Variants in URI1 observed in about 807,000 individuals in gnomAD.
URI1 encodes unconventional prefoldin RPB5 interactor 1.
A neutral mutation model predicts 60.2 loss-of-function variants in URI1; 39 were observed. That is an observed-to-expected ratio of 0.65 (90% confidence interval 0.50 to 0.85). The LOEUF is 0.85. Among genes scored for constraint, URI1 ranks in the 40% least tolerant of loss-of-function variants. The probability of loss-of-function intolerance (pLI) is 0.00; values close to 1 mark genes in which losing one functional copy is unlikely to be tolerated. For missense variants in URI1, 691 were observed against 665.9 expected, an observed-to-expected ratio of 1.04 and a Z score of -0.42; for synonymous variants, 251 against 236.8, an observed-to-expected ratio of 1.06 and a Z score of -0.55.
At chr19:30,004,477 C>T (rs1232131276) in intron 4 of URI1, 1 of 152,034 alleles carries the variant, frequency 6.6e-6, no homozygotes, top group Non-Finnish European at 1.5e-5. Context: ...TACTTTTCTC[C>T]TCCATCCTCT....
At chr19:29,983,265 G>C (rs1188297607) in intron 2 of URI1, 1 of 152,180 alleles carries the variant, frequency 6.6e-6, no homozygotes. Flanking sequence ...TGATAGAGGA[G>C]ATCTGGCTTC....
chr19:30,005,477 A>C (rs747226027), intron 5 of URI1, 25 bp downstream of exon 5: 2 of 1,541,086 alleles, frequency 1.3e-6, no homozygotes, highest in Admixed American at 4.2e-5. Context: ...TTAGTCTTCT[A>C]TATTTTTAGA....
chr19:29,997,757 A>G (rs1482652924), intron 4 of URI1, among the ~76,000 whole-genome samples: 1 of 151,730 alleles, frequency 6.6e-6, no homozygotes, highest in Non-Finnish European at 1.5e-5. Context: ...TGTTGGTCTC[A>G]GGGTATTTTC....
At chr19:29,946,474 T>G (rs931599699) in intron 1 of URI1, among the ~76,000 whole-genome samples, 1 of 152,184 alleles carries the variant, frequency 6.6e-6, no homozygotes, top group Non-Finnish European at 1.5e-5. Flanking sequence ...CCAGTATCGT[T>G]TTTATAGGCT....
rs1256816514 is a variant in URI1 at position 30,014,941 on chromosome 19, C to T, written c.1480C>T (p.Pro494Ser). The T allele has an allele frequency of 2.5e-6, 4 of 1,613,518 alleles. No individual in the cohort carries two copies. Among genetic ancestry groups the T allele is most frequent in the Admixed American group, 3.3e-5 (2 of 59,988 alleles). Residue 494 changes from proline (P) to serine (S), a missense_variant, in exon 11 of 11, where the codon CCC becomes TCC. By Grantham distance (74) the Pro-to-Ser change is moderately conservative. Coordinates refer to ENST00000392271, the MANE Select transcript of URI1 (RefSeq NM_003796.3). Reference sequence around the variant, plus strand: ...ATTTGTATCACCTTCCTTAACACCACCCCCAGCCATTGCTCATCCCGCACT... The same window carrying T: ...ATTTGTATCACCTTCCTTAACACCATCCCCAGCCATTGCTCATCCCGCACT... ...KEFVSPSLTP[P>S]PAIAHPALPT... is the part of the protein sequence containing the mutation.
chr19:29,992,795 C>T (rs559682502), intron 4 of URI1, among the ~76,000 whole-genome samples: 18 of 152,240 alleles, frequency 1.2e-4, no homozygotes, highest in Middle Eastern at 6.8e-3. Context: ...ACAGTATAGA[C>T]AAGTTTTTGG....
At chr19:29,976,761 G>A (rs775202462) in intron 2 of URI1, among the ~76,000 whole-genome samples, 66 of 152,170 alleles carry the variant, frequency 4.3e-4, no homozygotes, top group Non-Finnish European at 7.9e-4. Context: ...TCGTATGCAT[G>A]TGAGTTGTAA....
chr19:29,971,973 G>A (rs1004454692), intron 2 of URI1, among the ~76,000 whole-genome samples: 3 of 151,964 alleles, frequency 2.0e-5, no homozygotes, highest in African/African-American at 7.2e-5. Context: ...CATGGTAACT[G>A]CCCCTTTAGT....
chr19:29,942,782 G>C, intron 1 of URI1, 118 bp downstream of exon 1: 1 of 1,178,942 alleles, frequency 8.5e-7, no homozygotes, highest in Non-Finnish European at 1.1e-6. Flanking sequence ...AGGGAACGGG[G>C]ATAAACTTTT....
chr19:30,002,465 G>A (rs2145423856), intron 4 of URI1, among the ~76,000 whole-genome samples: 1 of 152,094 alleles, frequency 6.6e-6, no homozygotes, highest in South Asian at 2.1e-4. Context: ...TCTGGACAAA[G>A]ATTCTGAATT....
intron 1 of URI1, among the ~76,000 whole-genome samples, chr19:29,924,300 A>G (rs2054846920): frequency 6.6e-6 from 1 of 152,114 alleles, no homozygotes; most frequent in Non-Finnish European, 1.5e-5. Flanking sequence ...AGTAACCATC[A>G]CACCACACTT....
intron 4 of URI1, among the ~76,000 whole-genome samples, chr19:30,001,255 G>A (rs1185019133): frequency 6.6e-6 from 1 of 151,816 alleles, no homozygotes. Flanking sequence ...GTGTGCATAG[G>A]CAAGGTTTGT....
At chr19:29,989,489 T>C (rs988091413) in intron 4 of URI1, among the ~76,000 whole-genome samples, 7 of 152,106 alleles carry the variant, frequency 4.6e-5, no homozygotes, top group African/African-American at 9.7e-5. Context: ...AGTGGCGCGA[T>C]GTCAGTTCAT....
chr19:30,014,842 G>A (rs745828274), intron 10 of URI1, 45 bp from the exon 11 acceptor site: 3 of 1,538,662 alleles, frequency 1.9e-6, no homozygotes, highest in South Asian at 2.4e-5. Flanking sequence ...TTTTGTGGGT[G>A]TCTTATTTGC....
rs868336504 is a variant in URI1, at chr19:30,016,236, G to A, written c.*1167G>A. ...AGAAGCTATTCGTAACTAGAGCAGT[G>A]CAACTTTAAAGTTTTATGAATATGT... On this transcript the variant is annotated 3_prime_UTR_variant, in exon 11 of 11. Coordinates refer to ENST00000392271, the MANE Select transcript of URI1 (RefSeq NM_003796.3). 6.6e-6 allele frequency: 1 copy of A among 152,242 alleles called. No individual in the cohort carries two copies. Among genetic ancestry groups the A allele is most frequent in the South Asian group, 2.1e-4 (1 of 4,830 alleles). 9.4% of individuals were successfully genotyped at this position (152,242 alleles called of 1,614,324 possible). A position where few individuals can be genotyped will look rare whatever the true frequency, so the allele number is the denominator to read the frequency against.
chr19:29,998,772 A>C (rs557987971), intron 4 of URI1, among the ~76,000 whole-genome samples: 1 of 152,182 alleles, frequency 6.6e-6, no homozygotes, highest in Non-Finnish European at 1.5e-5. Flanking sequence ...CTGCCAATTT[A>C]TGCTTTTTGA....
intron 2 of URI1, among the ~76,000 whole-genome samples, chr19:29,982,645 T>C (rs2055613374): frequency 6.6e-6 from 1 of 152,212 alleles, no homozygotes; most frequent in Non-Finnish European, 1.5e-5. Context: ...CATTCTCCCA[T>C]TGATTGCTCA....
chr19:29,942,408 G>C lies in URI1; in HGVS notation c.-140G>C. The C allele has an allele frequency of 1.0e-6, 1 of 982,646 alleles. No homozygotes were observed. The highest frequency in any genetic ancestry group is 1.2e-6 in the Non-Finnish European group (1 of 828,756). The allele number at this position is 982,646 out of a possible 1,614,324, so 60.9% of individuals were successfully genotyped here. On this transcript the variant is annotated 5_prime_UTR_variant, in exon 1 of 11. Transcript: ENST00000392271. ...CGGCGCGGACGCGAACAGCAGCGGC[G>C]GCGGCGGGCGCGGCCTCCTGGGCGC...
At chr19:29,951,844 G>GGCTTGTGCATTCTTTTTTCA (rs1222026207) in intron 1 of URI1, among the ~76,000 whole-genome samples, 3 of 152,170 alleles carry the variant, frequency 2.0e-5, no homozygotes, top group Admixed American at 1.3e-4. Context: ...CACCGTGCCT[G>GGCTTGTGCATTCTTTTTTCA]GCTTGTGCAT....
Sources: gnomAD v4.1 joint callset for allele counts (sites outside exome capture counted in the v4.1 genomes callset) on GRCh38, gnomAD v4.1.1 for gene constraint, MANE v1.5 for transcripts, NCBI Gene and HGNC (gene_info 2026-07-23, HGNC 2026-07-21) for gene names.